Variants in SSH2 observed in about 807,000 individuals in gnomAD.
SSH2 encodes the protein slingshot protein phosphatase 2.
A neutral mutation model predicts 135.2 loss-of-function variants in SSH2; 37 were observed. The ratio of observed to expected loss-of-function variants is 0.27; its 90% CI spans 0.21 to 0.36. SSH2 has a LOEUF of 0.36. Among genes scored for constraint, SSH2 ranks in the 10% least tolerant of loss-of-function variants. The pLI, the probability that SSH2 is intolerant of heterozygous loss-of-function variation, is 1.00. For missense variants in SSH2, 1,408 were observed against 1,765.3 expected (o/e 0.80, Z 3.63); for synonymous variants, 628 against 646.2 (o/e 0.97, Z 0.43).
intron 1 of SSH2, chr17:29,864,323 A>ATAAG (rs1424935542): frequency 1.3e-5 from 2 of 151,080 alleles, no homozygotes; most frequent in African/African-American, 4.9e-5. Context: ...AAATAAATAA[A>ATAAG]TAAATAAATA....
At chr17:29,816,660 C>T (rs576490435) in intron 2 of SSH2, among the ~76,000 whole-genome samples, 1 of 151,078 alleles carries the variant, frequency 6.6e-6, no homozygotes, top group East Asian at 1.9e-4. Flanking sequence ...CTTTATTGGG[C>T]TTCCAATACA....
At chr17:29,699,569 C>T (rs939407491) in intron 4 of SSH2, among the ~76,000 whole-genome samples, 10 of 152,132 alleles carry the variant, frequency 6.6e-5, no homozygotes. Context: ...GCTAAGTGAA[C>T]AATGTCAAGT....
At chr17:29,635,701 C>G (rs1295321879) in intron 15 of SSH2, among the ~76,000 whole-genome samples, 2 of 152,180 alleles carry the variant, frequency 1.3e-5, no homozygotes, top group Non-Finnish European at 2.9e-5. Context: ...AGCCACCGCG[C>G]CTGGTCATCT....
intron 2 of SSH2, among the ~76,000 whole-genome samples, chr17:29,797,206 T>C (rs2042173697): frequency 6.6e-6 from 1 of 152,084 alleles, no homozygotes; most frequent in Non-Finnish European, 1.5e-5. Context: ...TTGACAAATG[T>C]ATGTGTCTAC....
chr17:29,717,804 G>A (rs2039678140), intron 3 of SSH2, among the ~76,000 whole-genome samples: 1 of 152,202 alleles, frequency 6.6e-6, no homozygotes, highest in Non-Finnish European at 1.5e-5. Flanking sequence ...GGAGGATGAG[G>A]TGGAAGGATC....
At chr17:29,870,979 G>A (rs2065928680) in intron 1 of SSH2, among the ~76,000 whole-genome samples, 1 of 152,102 alleles carries the variant, frequency 6.6e-6, no homozygotes, top group Admixed American at 6.5e-5. Flanking sequence ...TTCTATATAT[G>A]ACAACATCAT....
intron 3 of SSH2, chr17:29,761,142 G>A (rs1437446238): frequency 2.3e-6 from 3 of 1,288,840 alleles, no homozygotes; most frequent in East Asian, 5.6e-5. Flanking sequence ...GGCGCGCGGC[G>A]GACTCACAGC....
intron 3 of SSH2, among the ~76,000 whole-genome samples, chr17:29,764,996 A>G (rs2041410977): frequency 6.6e-6 from 1 of 152,214 alleles, no homozygotes; most frequent in Non-Finnish European, 1.5e-5. Context: ...ACATGAGTAG[A>G]TCACTTGAAC....
chr17:29,872,542 G>T (rs949571861), intron 1 of SSH2, among the ~76,000 whole-genome samples: 6 of 151,800 alleles, frequency 4.0e-5, no homozygotes, highest in Admixed American at 1.3e-4. Context: ...ACAGCTTCAG[G>T]CCAGGAGTTT....
intron 3 of SSH2, among the ~76,000 whole-genome samples, chr17:29,778,802 C>G (rs1484486307): frequency 1.6e-5 from 2 of 123,736 alleles, no homozygotes; most frequent in African/African-American, 6.3e-5. Flanking sequence ...CCACTGCACT[C>G]TAGCCTGGGT....
intron 3 of SSH2, chr17:29,761,303 C>T (rs1382906196): frequency 1.0e-5 from 13 of 1,270,910 alleles, no homozygotes; most frequent in Middle Eastern, 2.5e-4. Context: ...TGCACAACTC[C>T]GCATCCTGGC....
intron 1 of SSH2, among the ~76,000 whole-genome samples, chr17:29,868,255 A>G (rs1388714417): frequency 6.6e-6 from 1 of 152,214 alleles, no homozygotes; most frequent in Non-Finnish European, 1.5e-5. Context: ...GGTACAGCAG[A>G]GGTAGTACCT....
At chr17:29,908,318 T>C (rs1336696378) in intron 1 of SSH2, among the ~76,000 whole-genome samples, 1 of 151,622 alleles carries the variant, frequency 6.6e-6, no homozygotes, top group Non-Finnish European at 1.5e-5. Flanking sequence ...TAGTCAGGTA[T>C]GGTGGTACAC....
chr17:29,736,140 C>T (rs1230546445), intron 3 of SSH2, among the ~76,000 whole-genome samples: 1 of 152,064 alleles, frequency 6.6e-6, no homozygotes, highest in Non-Finnish European at 1.5e-5. Flanking sequence ...GATTCCCAAG[C>T]ATTAAGTGAG....
At chr17:29,804,950 TGCCA>T (rs2151318398) in intron 2 of SSH2, among the ~76,000 whole-genome samples, 1 of 147,326 alleles carries the variant, frequency 6.8e-6, no homozygotes, top group South Asian at 2.2e-4. Flanking sequence ...CACCTCGGCC[TGCCA>T]AAGTGCTAGG....
At chr17:29,923,387 C>G (rs957669807) in intron 1 of SSH2, among the ~76,000 whole-genome samples, 1 of 151,590 alleles carries the variant, frequency 6.6e-6, no homozygotes, top group African/African-American at 2.4e-5. Context: ...GGGAGGCTGT[C>G]GTGAGAGGAT....
At chr17:29,686,420 G>A (rs1228047433) in intron 5 of SSH2, among the ~76,000 whole-genome samples, 1 of 151,620 alleles carries the variant, frequency 6.6e-6, no homozygotes, top group African/African-American at 2.4e-5. Context: ...GGAGTGCAGT[G>A]GTGTGATCTC....
At chr17:29,816,961 A>AG (rs1167167153) in intron 2 of SSH2, among the ~76,000 whole-genome samples, 4 of 152,214 alleles carry the variant, frequency 2.6e-5, no homozygotes, top group Non-Finnish European at 5.9e-5. Context: ...TTATACTTAC[A>AG]GAACTATTAA....
chr17:29,763,665 T>C (rs1388679149), intron 3 of SSH2, among the ~76,000 whole-genome samples: 1 of 152,152 alleles, frequency 6.6e-6, no homozygotes, highest in Non-Finnish European at 1.5e-5. Flanking sequence ...GCAGGAAATG[T>C]ATATTATTCA....
Sources: gnomAD v4.1 joint callset for allele counts (sites outside exome capture counted in the v4.1 genomes callset) on GRCh38, gnomAD v4.1.1 for gene constraint, MANE v1.5 for transcripts, NCBI Gene and HGNC (gene_info 2026-07-23, HGNC 2026-07-21) for gene names.